Variants in DMD observed in about 807,000 individuals in gnomAD.
DMD encodes dystrophin, also known as mutant dystrophin.
Under a neutral mutation model 330.1 loss-of-function variants are expected in DMD, and 63 were observed. The observed-to-expected ratio is 0.19, with a 90% CI of 0.16 to 0.24. The LOEUF is 0.24. DMD is among the 10% of genes least tolerant of loss of function. The pLI, the probability that DMD is intolerant of heterozygous loss-of-function variation, is 1.00. For missense variants in DMD, 3,344 were observed against 2,684.1 expected, an observed-to-expected ratio of 1.25 and a Z score of -5.43; for synonymous variants, 1,223 against 959.8, an observed-to-expected ratio of 1.27 and a Z score of -5.07.
intron 9 of DMD, among the ~76,000 whole-genome samples, chrX:32,660,794 A>G (rs1309851771): frequency 8.9e-6 from 1 of 111,810 alleles, no homozygotes; most frequent in Non-Finnish European, 1.9e-5. Flanking sequence ...ACATAACTCA[A>G]TCTTTTCAAC....
At chrX:33,122,972 TTCAG>T (rs2095434096) in intron 1 of DMD, among the ~76,000 whole-genome samples, 1 of 112,447 alleles carries the variant, frequency 8.9e-6, no homozygotes, top group Non-Finnish European at 1.9e-5. Flanking sequence ...ATAAGGATGT[TTCAG>T]TCAATGATAA....
At position 33,211,272 on chromosome X, in the gene DMD, T is replaced by C. The variant is rs1465099653; in HGVS notation, c.31+10A>G. On this transcript the variant is annotated intron_variant, in intron 1 of 78. Transcript: ENST00000357033. Reference sequence around the variant, plus strand: ...ACAGTAAAATATATTTTTAGTTACTTTGTACTTACAACAGTCCTCTACTTC... The same window carrying C: ...ACAGTAAAATATATTTTTAGTTACTCTGTACTTACAACAGTCCTCTACTTC... 4.1e-6 allele frequency: 5 copies of C among 1,208,364 alleles called. No homozygotes were observed. Among genetic ancestry groups the C allele is most frequent in the Non-Finnish European group, 5.6e-6 (5 of 893,521 alleles).
chrX:33,210,097 A>G (rs995027609), intron 1 of DMD, among the ~76,000 whole-genome samples: 4 of 111,036 alleles, frequency 3.6e-5, no homozygotes, highest in African/African-American at 1.3e-4. Flanking sequence ...GATGTCCACC[A>G]AAAGAAATTT....
At chrX:31,469,340 T>C (rs1355828559) in intron 59 of DMD, among the ~76,000 whole-genome samples, 1 of 111,916 alleles carries the variant, frequency 8.9e-6, no homozygotes. Flanking sequence ...GCTTCCTTCA[T>C]TAGAAGCTCT....
intron 44 of DMD, among the ~76,000 whole-genome samples, chrX:32,165,768 C>T (rs191704048): frequency 1.8e-5 from 2 of 111,121 alleles, no homozygotes; most frequent in Non-Finnish European, 3.8e-5. Context: ...CCTTATAATC[C>T]CCATAATCCC....
intron 13 of DMD, among the ~76,000 whole-genome samples, chrX:32,593,674 G>A (rs1246339724): frequency 5.4e-5 from 6 of 111,860 alleles, no homozygotes; most frequent in Non-Finnish European, 7.5e-5. Flanking sequence ...GACATAGTAA[G>A]AACATAACGA....
chrX:32,355,622 T>A (rs2097796401), intron 37 of DMD, among the ~76,000 whole-genome samples: 1 of 111,710 alleles, frequency 9.0e-6, no homozygotes, highest in Admixed American at 9.5e-5. Context: ...TTCAATGGAC[T>A]TAACCTTGTT....
intron 11 of DMD, among the ~76,000 whole-genome samples, chrX:32,641,052 A>T (rs73467339): frequency 9.0e-6 from 1 of 110,529 alleles, no homozygotes; most frequent in African/African-American, 3.3e-5. Context: ...GCTGTTCCTA[A>T]TCCGTGAACC....
intron 48 of DMD, among the ~76,000 whole-genome samples, chrX:31,846,981 T>A (rs1178153046): frequency 8.9e-6 from 1 of 111,784 alleles, no homozygotes; most frequent in Non-Finnish European, 1.9e-5. Flanking sequence ...AAGTACTAAG[T>A]GGGTGCTTGC....
At chrX:32,584,231 G>A (rs373280092) in intron 13 of DMD, among the ~76,000 whole-genome samples, 47 of 111,025 alleles carry the variant, frequency 4.2e-4, no homozygotes, top group African/African-American at 1.5e-3. Context: ...AATGAGAGAT[G>A]ACATTATAAA....
chrX:31,245,315 A>G (rs2048726685), intron 63 of DMD, among the ~76,000 whole-genome samples: 1 of 111,872 alleles, frequency 8.9e-6, no homozygotes, highest in Non-Finnish European at 1.9e-5. Flanking sequence ...CCTCATCTGT[A>G]TCTTTCCATC....
chrX:32,557,865 G>A (rs1163956287), intron 16 of DMD, among the ~76,000 whole-genome samples: 1 of 110,440 alleles, frequency 9.1e-6, no homozygotes, highest in Non-Finnish European at 1.9e-5. Context: ...TACAATGAGT[G>A]CCAAAGTTCA....
chrX:32,335,997 T>C (rs2097711374), intron 41 of DMD, among the ~76,000 whole-genome samples: 1 of 42,530 alleles, frequency 2.4e-5, no homozygotes, highest in South Asian at 1.7e-3. Context: ...ATAACGTGTA[T>C]ATATAACGTT....
At position 31,209,631 on chromosome X, in the gene DMD, G is replaced by A. The variant is rs1390453463; in HGVS notation, c.9430C>T (p.Pro3144Ser). Residue 3144 changes from proline (P) to serine (S), a missense_variant, in exon 65 of 79, where the codon CCC becomes TCC. Physicochemically the swap from Pro to Ser is moderately conservative, Grantham distance 74. Coordinates refer to ENST00000357033, the MANE Select transcript of DMD (RefSeq NM_004006.3). ...DQHNLKQNDQ[P>S]MDILQIINCL... is the part of the protein sequence containing the mutation. ...TTAATAATCTGCAGGATATCCATGGGCTGGTCATTTTGCTTGAGGTTGTGC... is the reference window on the plus strand; with the variant it reads ...TTAATAATCTGCAGGATATCCATGGACTGGTCATTTTGCTTGAGGTTGTGC... 2 of 1,211,505 alleles carry A rather than the reference G, an allele frequency of 1.7e-6. No individual in the cohort carries two copies.
chrX:32,730,912 G>A (rs1302284867), intron 7 of DMD, among the ~76,000 whole-genome samples: 1 of 111,797 alleles, frequency 8.9e-6, no homozygotes, highest in African/African-American at 3.3e-5. Context: ...GAGGAGCCAA[G>A]ATGGCCGAAT....
At chrX:31,776,975 A>G (rs756023961) in intron 50 of DMD, among the ~76,000 whole-genome samples, 31 of 111,668 alleles carry the variant, frequency 2.8e-4, no homozygotes, top group African/African-American at 8.1e-4. Flanking sequence ...CTATCTGTAC[A>G]CTGCTGGGAA....
intron 55 of DMD, among the ~76,000 whole-genome samples, chrX:31,514,800 A>T (rs1290350548): frequency 4.5e-5 from 5 of 111,899 alleles, no homozygotes; most frequent in Non-Finnish European, 9.4e-5. Context: ...ACGATTGGGA[A>T]ATTGGAACAA....
chrX:32,697,927 G>A lies in DMD; in HGVS notation c.903C>T (p.Tyr301=), dbSNP rs2147581521. Residue 301 remains tyrosine, a synonymous_variant, in exon 9 of 79, where the codon TAC becomes TAT. Coordinates refer to ENST00000357033, the MANE Select transcript of DMD (RefSeq NM_004006.3). ...AGGTGGTGACATAAGCAGCCTGTGT[G>A]TAGGCATAGCTCTTGAATCGAGGCT... ...SPKPRFKSYA[Y]TQAAYVTTSD... 2 of 1,209,010 alleles carry A rather than the reference G, an allele frequency of 1.7e-6. No individual in the cohort carries two copies. The highest frequency in any genetic ancestry group is 2.2e-6 in the Non-Finnish European group (2 of 894,188).
At chrX:31,948,387 G>A (rs1387804241) in intron 45 of DMD, among the ~76,000 whole-genome samples, 1 of 111,456 alleles carries the variant, frequency 9.0e-6, no homozygotes, top group East Asian at 2.8e-4. Context: ...ATATACCCAG[G>A]AGTGAGGTTG....
Sources: allele counts gnomAD v4.1 joint callset (sites outside exome capture counted in the v4.1 genomes callset), GRCh38; gene constraint gnomAD v4.1.1; transcripts MANE v1.5; gene names NCBI Gene and HGNC (gene_info 2026-07-23, HGNC 2026-07-21).